Variants in G6PD observed in about 807,000 individuals in gnomAD.
The protein encoded by G6PD is glucose-6-phosphate dehydrogenase.
A neutral mutation model predicts 38.2 loss-of-function variants in G6PD; 2 were observed. That is an observed-to-expected ratio of 0.05 (90% CI 0.02 to 0.16). G6PD has a LOEUF of 0.16. Ranked by LOEUF, G6PD falls within the 10% of genes least tolerant of loss-of-function variation. The pLI is 1.00. For synonymous variants in G6PD, 188 were observed against 196.0 expected, an observed-to-expected ratio of 0.96 and a Z score of 0.34; for missense variants, 310 against 471.6, an observed-to-expected ratio of 0.66 and a Z score of 3.17.
Position 154,532,559 on chromosome X carries a change from T to C in G6PD, c.1287+8A>G. The C allele has an allele frequency of 8.3e-7, 1 of 1,210,993 alleles. No individual in the cohort carries two copies. Among genetic ancestry groups the C allele is most frequent in the Non-Finnish European group, 1.1e-6 (1 of 894,471 alleles). On this transcript the variant is annotated splice_region_variant and intron_variant, in intron 10 of 12. Coordinates refer to ENST00000393562, the MANE Select transcript of G6PD (RefSeq NM_001360016.2). ...CACCCTCCACACTGCTCCTTCTCTG[T>C]AGGGCACCTTGTATCTGTTGCCGTA...
intron 2 of G6PD, among the ~76,000 whole-genome samples, chrX:154,538,860 A>G: frequency 9.2e-6 from 1 of 108,834 alleles, no homozygotes; most frequent in Non-Finnish European, 1.9e-5. Context: ...CAGGAGGGAG[A>G]GACTGGAGTG....
chrX:154,532,951 T>G lies in G6PD; in HGVS notation c.1042A>C (p.Arg348=), dbSNP rs2070358280. The G allele has an allele frequency of 8.3e-7, 1 of 1,209,942 alleles. No individual in the cohort carries two copies. The highest frequency in any genetic ancestry group is 1.1e-6 in the Non-Finnish European group (1 of 895,040). ...AAVVLYVENE[R]WDGVPFILRC... is the part of the protein sequence containing the mutation. ...CGAAGGCATCACCTACCATCCCACC[T>G]CTCATTCTCCACATAGAGGACGACG... The change falls in exon 9 of 13, where the codon AGG becomes CGG. Residue 348 remains arginine, a synonymous_variant. Coordinates refer to ENST00000393562, the MANE Select transcript of G6PD (RefSeq NM_001360016.2).
At chrX:154,546,409 G>A (rs893437876) in intron 1 of G6PD, among the ~76,000 whole-genome samples, 2 of 112,137 alleles carry the variant, frequency 1.8e-5, no homozygotes, top group African/African-American at 3.2e-5. Flanking sequence ...TCAAAGCATT[G>A]GTGTATTCCG....
intron 2 of G6PD, among the ~76,000 whole-genome samples, chrX:154,540,945 ACCCCTCG>A (rs1212754544): frequency 9.0e-6 from 1 of 110,977 alleles, no homozygotes; most frequent in African/African-American, 3.3e-5. Context: ...CCAGCAGACA[ACCCCTCG>A]CCCTGGGGTA....
chrX:154,546,800 C>A lies in G6PD; in HGVS notation c.-20G>T, dbSNP rs782006658. 3.5e-4 allele frequency: 404 copies of A among 1,160,754 alleles called. 1 individual carries two copies. In the South Asian group the frequency reaches 6.6e-3, roughly 19 times the overall value. ...GCCCGGCCGGTTACCTGCGCTTCGTCGTCGTCGCCCTCCGCGCTCGCAGCC... is the reference window on the plus strand; with the variant it reads ...GCCCGGCCGGTTACCTGCGCTTCGTAGTCGTCGCCCTCCGCGCTCGCAGCC... On this transcript the variant is annotated 5_prime_UTR_variant, in exon 1 of 13. Transcript: ENST00000393562.
At position 154,535,220 on chromosome X, in the gene G6PD, T is replaced by A. The variant is rs782264331; in HGVS notation, c.433A>T (p.Thr145Ser). ...NRLFYLALPP[T>S]VYEAVTKNIH... ...TTCTTGGTGACGGCCTCGTAGACGG[T>A]CGGGGGCAAGGCCAGGTAGAAGAGG... Residue 145 changes from threonine to serine, a missense_variant, in exon 5 of 13, where the codon ACC becomes TCC. Thr to Ser is a moderately conservative substitution (Grantham distance 58). Transcript: ENST00000393562. 1 of 1,211,419 alleles carries A rather than the reference T, an allele frequency of 8.3e-7. No individual in the cohort carries two copies. The highest frequency in any genetic ancestry group is 1.1e-6 in the Non-Finnish European group (1 of 895,372).
intron 12 of G6PD, 25 bp downstream of exon 12, chrX:154,532,163 T>A (rs782286292): frequency 8.3e-7 from 1 of 1,203,840 alleles, no homozygotes; most frequent in Admixed American, 2.2e-5. Context: ...CTGGGCTCTG[T>A]CCCCAGCCCC....
chrX:154,542,507 G>A, intron 2 of G6PD: 1 of 1,130,143 alleles, frequency 8.8e-7, no homozygotes, highest in South Asian at 2.3e-5. Context: ...AAGGCAGGAA[G>A]TGGCCCACTT....
rs1444968814 is a variant in G6PD, at chrX:154,533,131, G to T, written c.865-3C>A. 1 of 1,209,996 alleles carries T rather than the reference G, an allele frequency of 8.3e-7. No individual in the cohort carries two copies. Among genetic ancestry groups the T allele is most frequent in the Non-Finnish European group, 1.1e-6 (1 of 894,699 alleles). ...GAGATGCATTTCAACACCTTGACCT[G>T]AGAGAAAGCCAAGGGAGAGAATGGG... On this transcript the variant is annotated splice_region_variant and splice_polypyrimidine_tract_variant and intron_variant, in intron 8 of 12. Coordinates refer to ENST00000393562, the MANE Select transcript of G6PD (RefSeq NM_001360016.2).
In G6PD at chrX:154,546,029, T is replaced by C. The variant is rs369904290; in HGVS notation, c.120+7A>G. 8.3e-7 allele frequency: 1 copy of C among 1,209,730 alleles called. No individual in the cohort carries two copies. The highest frequency in any genetic ancestry group is 1.1e-6 in the Non-Finnish European group (1 of 894,838). ...GCTTTTAAGATTGGGGCCTGGGAGA[T>C]ACTCACCGATGCACCCATGATGATG... On this transcript the variant is annotated splice_region_variant and intron_variant, in intron 2 of 12. Transcript: ENST00000393562.
At chrX:154,546,012 G>C (rs1434829180) in intron 2 of G6PD, 24 bp downstream of exon 2, 4 of 1,207,282 alleles carry the variant, frequency 3.3e-6, no homozygotes, top group Non-Finnish European at 4.5e-6. Flanking sequence ...TGGCTTTTAA[G>C]ATTGGGGCCT....
intron 2 of G6PD, among the ~76,000 whole-genome samples, chrX:154,544,619 AGGCTGG>A (rs1447476919): frequency 1.8e-5 from 2 of 112,217 alleles, no homozygotes; most frequent in Non-Finnish European, 3.8e-5. Flanking sequence ...TGAGGGGACC[AGGCTGG>A]GGCTGGGGCT....
At chrX:154,540,703 A>G (rs2070483047) in intron 2 of G6PD, among the ~76,000 whole-genome samples, 1 of 108,735 alleles carries the variant, frequency 9.2e-6, no homozygotes, top group Non-Finnish European at 1.9e-5. Flanking sequence ...GGATGGGTCC[A>G]TTTCTACAAA....
At chrX:154,542,357 A>C in intron 2 of G6PD, 1 of 1,206,160 alleles carries the variant, frequency 8.3e-7, no homozygotes. Flanking sequence ...ACTCCCTGTG[A>C]AGCTCTCCAG....
intron 2 of G6PD, among the ~76,000 whole-genome samples, chrX:154,540,456 A>G (rs1241489106): frequency 1.9e-5 from 2 of 107,203 alleles, no homozygotes; most frequent in Non-Finnish European, 3.9e-5. Context: ...TGAAAGAGCA[A>G]GACTCCATCT....
intron 1 of G6PD, among the ~76,000 whole-genome samples, 161 bp downstream of exon 1, chrX:154,546,628 G>A (rs983213464): frequency 2.3e-4 from 26 of 111,771 alleles, no homozygotes; most frequent in Non-Finnish European, 4.7e-4. Flanking sequence ...CGGGGTCTCA[G>A]GGGCTCAAGA....
In G6PD at chrX:154,534,495, C is replaced by T. The variant is rs137852314; in HGVS notation, c.487G>A (p.Gly163Ser). The T allele has an allele frequency of 3.8e-5, 46 of 1,209,982 alleles. No individual in the cohort carries two copies. The South Asian group carries it at 5.1e-4, about 13-fold the overall frequency. The change falls in exon 6 of 13, where the codon GGC becomes AGC. Residue 163 changes from glycine to serine, a missense_variant and splice_region_variant. Coordinates refer to ENST00000393562, the MANE Select transcript of G6PD (RefSeq NM_001360016.2). ...TTCTCCACGATGATGCGGTTCCAGC[C>T]TCTGCTGGGAGCCCGGAGCTGCGTT... is the stretch of plus-strand genomic sequence containing the variant. ...NIHESCMSQI[G>S]WNRIIVEKPF...
Position 154,534,102 on chromosome X carries a change from G to A in G6PD, c.703C>T (p.Leu235Phe), listed in dbSNP as rs782757170. The A allele has an allele frequency of 5.8e-6, 7 of 1,210,353 alleles. No homozygotes were observed. In the East Asian group the frequency reaches 1.8e-4, roughly 31 times the overall value. Reference sequence around the variant, plus strand: ...GTGCCAAAGGGCTCCTTGAAGGTGAGGATAACGCAGGCGATGTTGTCCCGG... The same window carrying A: ...GTGCCAAAGGGCTCCTTGAAGGTGAAGATAACGCAGGCGATGTTGTCCCGG... The part of the protein sequence containing the change: ...WNRDNIACVI[L>F]TFKEPFGTEG... The change falls in exon 7 of 13, where the codon CTC becomes TTC. Residue 235 changes from leucine (L) to phenylalanine (F), a missense_variant. Physicochemically the swap from Leu to Phe is conservative, Grantham distance 22. Coordinates refer to ENST00000393562, the MANE Select transcript of G6PD (RefSeq NM_001360016.2).
upstream of G6PD, chrX:154,547,371 G>A (rs1250996275): frequency 1.3e-6 from 1 of 755,261 alleles, no homozygotes. Context: ...AGAGGGCGGG[G>A]CGGCCGAGCG....
Sources: allele counts gnomAD v4.1 joint callset (sites outside exome capture counted in the v4.1 genomes callset), GRCh38; gene constraint gnomAD v4.1.1; transcripts MANE v1.5; gene names NCBI Gene and HGNC (gene_info 2026-07-23, HGNC 2026-07-21).